FHIT: variants seen among roughly 807,000 people sequenced by gnomAD.
The protein encoded by FHIT is bis(5'-adenosyl)-triphosphatase.
FHIT carries 19 observed loss-of-function variants against 17.9 expected under a neutral mutation model. The ratio of observed to expected loss-of-function variants is 1.06; its 90% CI spans 0.74 to 1.56. FHIT has a LOEUF of 1.56. FHIT is among the 40% of genes most tolerant of loss of function. The pLI is 0.00. For missense variants in FHIT, 248 were observed against 189.2 expected, an observed-to-expected ratio of 1.31 and a Z score of -1.82; for synonymous variants, 81 against 69.7, an observed-to-expected ratio of 1.16 and a Z score of -0.81.
chr3:60,236,739 A>G (rs1489456642), intron 5 of FHIT, among the ~76,000 whole-genome samples: 1 of 152,118 alleles, frequency 6.6e-6, no homozygotes, highest in African/African-American at 2.4e-5. Flanking sequence ...ATTTGAAAAT[A>G]TTCTCACTGT....
chr3:60,272,649 G>A (rs76171358), intron 5 of FHIT, among the ~76,000 whole-genome samples: 12,477 of 152,222 alleles, frequency 0.082, 715 homozygotes, highest in Non-Finnish European at 0.12. Flanking sequence ...GGACCTCACT[G>A]AATGGCCACT....
chr3:60,812,565 G>A (rs908348225), intron 4 of FHIT, among the ~76,000 whole-genome samples: 1 of 152,136 alleles, frequency 6.6e-6, no homozygotes, highest in African/African-American at 2.4e-5. Context: ...CTACCTCTAT[G>A]TGAAATACCA....
At chr3:60,696,240 C>T (rs1259397972) in intron 4 of FHIT, among the ~76,000 whole-genome samples, 1 of 152,110 alleles carries the variant, frequency 6.6e-6, no homozygotes, top group Non-Finnish European at 1.5e-5. Flanking sequence ...CATTCCCTAG[C>T]AGATTTAACC....
At chr3:59,885,782 A>G (rs1184353533) in intron 8 of FHIT, among the ~76,000 whole-genome samples, 1 of 152,236 alleles carries the variant, frequency 6.6e-6, no homozygotes, top group Non-Finnish European at 1.5e-5. Flanking sequence ...ATTTTCCAAA[A>G]GAAATCAGCT....
At position 60,339,687 on chromosome 3, in the gene FHIT, A is replaced by T. The variant is rs531407406; in HGVS notation, c.103+197173T>A. On this transcript the variant is annotated intron_variant, in intron 5 of 9. Coordinates refer to ENST00000492590, the MANE Select transcript of FHIT (RefSeq NM_002012.4). ...AAAAGTGGAATCCCTATTTTGTAACAGCTGTGAATCAAAACACTAGTGACT... is the reference window on the plus strand; with the variant it reads ...AAAAGTGGAATCCCTATTTTGTAACTGCTGTGAATCAAAACACTAGTGACT... 1.1e-3 allele frequency among the ~76,000 whole-genome samples: 160 copies of T among 152,340 alleles called. 5 individuals carry two copies. The highest frequency in any genetic ancestry group is 1.2e-3 in the Admixed American group (19 of 15,300).
At chr3:60,185,324 C>T (rs1445174481) in intron 5 of FHIT, among the ~76,000 whole-genome samples, 8 of 152,130 alleles carry the variant, frequency 5.3e-5, no homozygotes, top group Admixed American at 6.5e-5. Flanking sequence ...GATTTGTTTA[C>T]CATCTCCATG....
chr3:60,399,258 G>T (rs1461530500), intron 5 of FHIT, among the ~76,000 whole-genome samples: 1 of 151,930 alleles, frequency 6.6e-6, no homozygotes, highest in Non-Finnish European at 1.5e-5. Context: ...TTTTGCACTG[G>T]GATTTTGTCC....
chr3:60,052,195 T>TC (rs1412898621), intron 5 of FHIT, among the ~76,000 whole-genome samples: 1 of 152,024 alleles, frequency 6.6e-6, no homozygotes, highest in African/African-American at 2.4e-5. Context: ...CAGTCTATAA[T>TC]CCCATAAGAA....
intron 4 of FHIT, among the ~76,000 whole-genome samples, chr3:60,801,232 G>C: frequency 6.6e-6 from 1 of 152,146 alleles, no homozygotes; most frequent in East Asian, 1.9e-4. Context: ...TATTCCGTGG[G>C]TTAATAACTC....
intron 5 of FHIT, among the ~76,000 whole-genome samples, chr3:60,124,009 T>TAGAGAGAGAGAGAGAGAGAGAGAGAGAG (rs1168094593): frequency 2.5e-4 from 3 of 12,156 alleles, no homozygotes; most frequent in Non-Finnish European, 2.9e-4. Context: ...TATATATATA[T>TAGAGAGAGAGAGAGAGAGAGAGAGAGAG]AGAGAGAGAG....
At chr3:60,477,733 A>T (rs1299486646) in intron 5 of FHIT, among the ~76,000 whole-genome samples, 1 of 152,210 alleles carries the variant, frequency 6.6e-6, no homozygotes, top group Admixed American at 6.5e-5. Context: ...TAGAACACAA[A>T]CTTGCATTTG....
intron 3 of FHIT, among the ~76,000 whole-genome samples, chr3:60,842,629 G>GTGTATATATA (rs1375834100): frequency 3.1e-4 from 26 of 85,036 alleles, no homozygotes; most frequent in African/African-American, 1.2e-3. Flanking sequence ...ATATATGAGT[G>GTGTATATATA]TATATATATA....
At chr3:60,687,706 A>G (rs2040889593) in intron 4 of FHIT, among the ~76,000 whole-genome samples, 1 of 152,112 alleles carries the variant, frequency 6.6e-6, no homozygotes. Context: ...AAAATATTCT[A>G]TCAATTCTGT....
At chr3:59,776,950 T>C (rs1267142873) in intron 8 of FHIT, among the ~76,000 whole-genome samples, 1 of 152,158 alleles carries the variant, frequency 6.6e-6, no homozygotes, top group African/African-American at 2.4e-5. Flanking sequence ...TCCATGTTCA[T>C]TCCATGCCCT....
At chr3:60,405,103 C>G (rs569008432) in intron 5 of FHIT, among the ~76,000 whole-genome samples, 1 of 152,234 alleles carries the variant, frequency 6.6e-6, no homozygotes, top group East Asian at 1.9e-4. Flanking sequence ...GGGTAGGTAC[C>G]AGGTGGAACC....
intron 4 of FHIT, among the ~76,000 whole-genome samples, chr3:60,723,443 A>T (rs1553708605): frequency 6.6e-6 from 1 of 152,176 alleles, no homozygotes; most frequent in Non-Finnish European, 1.5e-5. Flanking sequence ...GTTTATGCTG[A>T]ACACCTGCTT....
At chr3:60,614,327 C>G (rs940091615) in intron 4 of FHIT, among the ~76,000 whole-genome samples, 1 of 152,144 alleles carries the variant, frequency 6.6e-6, no homozygotes, top group Non-Finnish European at 1.5e-5. Flanking sequence ...ATAACCTAAA[C>G]CAGCCCAGTG....
chr3:60,390,253 A>C (rs1701166727), intron 5 of FHIT, among the ~76,000 whole-genome samples: 1 of 152,056 alleles, frequency 6.6e-6, no homozygotes, highest in Non-Finnish European at 1.5e-5. Context: ...TTGATTTCAA[A>C]TTTGGATTTT....
intron 5 of FHIT, among the ~76,000 whole-genome samples, chr3:60,132,521 G>T (rs547328814): frequency 6.6e-6 from 1 of 152,328 alleles, no homozygotes; most frequent in East Asian, 1.9e-4. Flanking sequence ...GATGTTAAAA[G>T]AATGGAGAAA....
Sources: allele counts gnomAD v4.1 joint callset (sites outside exome capture counted in the v4.1 genomes callset), GRCh38; gene constraint gnomAD v4.1.1; transcripts MANE v1.5; gene names NCBI Gene and HGNC (gene_info 2026-07-23, HGNC 2026-07-21).